Variants in COL6A5 observed in about 807,000 individuals in gnomAD.
The protein encoded by COL6A5 is collagen type VI alpha 5 chain.
Under a neutral mutation model 65.6 loss-of-function variants are expected in COL6A5, and 48 were observed. That is an observed-to-expected ratio of 0.73 (90% CI 0.58 to 0.93). The LOEUF is 0.93. Ranked by LOEUF, COL6A5 falls within the 40% of genes least tolerant of loss-of-function variation. The pLI is 0.00. For missense variants in COL6A5, 914 were observed against 928.3 expected, an observed-to-expected ratio of 0.98 and a Z score of 0.20; for synonymous variants, 291 against 322.8, an observed-to-expected ratio of 0.90 and a Z score of 1.05.
chr3:130,365,262 C>A (rs1417206619), intron 1 of COL6A5, among the ~76,000 whole-genome samples: 3 of 150,594 alleles, frequency 2.0e-5, no homozygotes, highest in African/African-American at 7.3e-5. Context: ...CAGATGTCTC[C>A]TTTAAGATGT....
chr3:130,411,415 G>C (rs545827008), intron 20 of COL6A5, among the ~76,000 whole-genome samples: 2 of 152,278 alleles, frequency 1.3e-5, no homozygotes, highest in South Asian at 4.1e-4. Context: ...TTATTTTGAA[G>C]GCTGTGGCTG....
At chr3:130,363,179 A>G (rs1935204104) in intron 1 of COL6A5, among the ~76,000 whole-genome samples, 1 of 152,086 alleles carries the variant, frequency 6.6e-6, no homozygotes, top group African/African-American at 2.4e-5. Flanking sequence ...GTTATACTTC[A>G]TTCTTTAGTG....
chr3:130,399,831 C>A (rs988212453), intron 10 of COL6A5, among the ~76,000 whole-genome samples: 1 of 152,054 alleles, frequency 6.6e-6, no homozygotes, highest in African/African-American at 2.4e-5. Flanking sequence ...CAGCTCGCTG[C>A]AACCTCTGCC....
At chr3:130,401,267 C>A in intron 11 of COL6A5, 94 bp downstream of exon 11, 1 of 1,115,674 alleles carries the variant, frequency 9.0e-7, no homozygotes, top group Non-Finnish European at 1.3e-6. Flanking sequence ...CTTTGTTTAC[C>A]CCCACTAAAT....
At chr3:130,480,133 C>A (rs1392715104) in intron 7 of COL6A5, among the ~76,000 whole-genome samples, 1 of 151,924 alleles carries the variant, frequency 6.6e-6, no homozygotes. Flanking sequence ...TCTATCAATT[C>A]TGATATTAAA....
At chr3:130,376,325 CA>C (rs1935768070) in exon 3 of COL6A5, 1 of 1,613,588 alleles carries the variant, frequency 6.2e-7, no homozygotes, top group Admixed American at 1.7e-5. Context: ...TGAAAACGTT[CA>C]TCAACAAAAT....
chr3:130,423,948 G>A, intron 29 of COL6A5, 48 bp downstream of exon 29: 2 of 1,399,596 alleles, frequency 1.4e-6, no homozygotes, highest in Non-Finnish European at 2.0e-6. Flanking sequence ...TTTCCAGTAT[G>A]TTCCATGGAA....
intron 1 of COL6A5, among the ~76,000 whole-genome samples, chr3:130,366,027 G>GGTCCTA (rs1290085621): frequency 1.3e-5 from 2 of 152,118 alleles, no homozygotes; most frequent in Non-Finnish European, 2.9e-5. Flanking sequence ...ACCCCATAAG[G>GGTCCTA]GTCCTAGAGC....
At chr3:130,383,190 G>C (rs1056986261) in intron 4 of COL6A5, among the ~76,000 whole-genome samples, 2 of 152,072 alleles carry the variant, frequency 1.3e-5, no homozygotes, top group Non-Finnish European at 1.5e-5. Flanking sequence ...GAAATATTCT[G>C]TATCTATGCT....
chr3:130,418,966 C>G (rs1299379672), intron 25 of COL6A5, 35 bp downstream of exon 25: 1 of 1,528,902 alleles, frequency 6.5e-7, no homozygotes, highest in Non-Finnish European at 8.9e-7. Flanking sequence ...CTCCCCAGAT[C>G]TGGGTATTCA....
intron 7 of COL6A5, among the ~76,000 whole-genome samples, chr3:130,472,823 G>A (rs376793890): frequency 2.0e-4 from 10 of 50,090 alleles, no homozygotes; most frequent in Admixed American, 2.9e-4. Flanking sequence ...TTATATATGT[G>A]TGTGTATACA....
chr3:130,470,753 C>T (rs1709931155), intron 6 of COL6A5, 118 bp from the exon 39 acceptor site: 1 of 677,334 alleles, frequency 1.5e-6, no homozygotes, highest in South Asian at 1.9e-5. Flanking sequence ...TTTGTGAAGT[C>T]CGTTATAAAA....
intron 7 of COL6A5, among the ~76,000 whole-genome samples, chr3:130,475,352 A>AG (rs1710067291): frequency 6.6e-6 from 1 of 152,100 alleles, no homozygotes; most frequent in Admixed American, 6.6e-5. Flanking sequence ...AAGAAAAAAA[A>AG]TATTGAAGCA....
chr3:130,451,917 C>A (rs1394103835), intron 4 of COL6A5, among the ~76,000 whole-genome samples: 1 of 152,116 alleles, frequency 6.6e-6, no homozygotes, highest in Non-Finnish European at 1.5e-5. Flanking sequence ...CCAGTCACCC[C>A]AAACAGTGAC....
intron 1 of COL6A5, among the ~76,000 whole-genome samples, chr3:130,348,943 A>C (rs1415183177): frequency 6.6e-6 from 1 of 151,898 alleles, no homozygotes; most frequent in Non-Finnish European, 1.5e-5. Flanking sequence ...CATATCCTTC[A>C]CCCACTTTTT....
At chr3:130,417,682 A>T (rs1004455210) in intron 24 of COL6A5, among the ~76,000 whole-genome samples, 1 of 152,118 alleles carries the variant, frequency 6.6e-6, no homozygotes. Context: ...GATTAACCTC[A>T]TCGGAATCTG....
At chr3:130,383,663 G>A (rs1018291603) in intron 4 of COL6A5, among the ~76,000 whole-genome samples, 2 of 152,020 alleles carry the variant, frequency 1.3e-5, no homozygotes, top group Non-Finnish European at 2.9e-5. Flanking sequence ...AGTAGTGTCA[G>A]TAGCTATAAA....
At chr3:130,438,332 C>A (rs1420004203) in intron 1 of COL6A5, among the ~76,000 whole-genome samples, 1 of 151,988 alleles carries the variant, frequency 6.6e-6, no homozygotes, top group Non-Finnish European at 1.5e-5. Flanking sequence ...ATTTTCATAT[C>A]CCCAGAACCT....
In COL6A5 at chr3:130,406,013, A is replaced by G. The variant is rs1259512180; in HGVS notation, c.4374A>G (p.Gly1458=). 1.9e-6 allele frequency: 3 copies of G among 1,551,352 alleles called. No individual in the cohort carries two copies. The Admixed American group carries it at 5.9e-5, about 30-fold the overall frequency. ...TGCAGGGACTCAAAGGATTTTCTGG[A>G]CCTAAGGTACTGGAGTTTTTTCTTA... Residue 1458 remains glycine, a synonymous_variant and NMD_transcript_variant, in exon 15 of 42, where the codon GGA becomes GGG. Coordinates refer to the COL6A5 transcript ENST00000312481.
Sources: gnomAD v4.1 joint callset for allele counts (sites outside exome capture counted in the v4.1 genomes callset) on GRCh38, gnomAD v4.1.1 for gene constraint, MANE v1.5 for transcripts, NCBI Gene and HGNC (gene_info 2026-07-23, HGNC 2026-07-21) for gene names.